The following PDE7B variants were observed in gnomAD, a reference collection of about 807,000 sequenced individuals.
PDE7B encodes 3',5'-cyclic-AMP phosphodiesterase 7B.
PDE7B carries 29 observed loss-of-function variants against 56.2 expected under a neutral mutation model. The observed-to-expected ratio is 0.52, with a 90% CI of 0.38 to 0.70. The LOEUF (loss-of-function observed/expected upper bound fraction) is 0.70. Among genes scored for constraint, PDE7B ranks in the 30% least tolerant of loss-of-function variants. PDE7B has a pLI of 0.00. For missense variants in PDE7B, 490 were observed against 565.0 expected (o/e 0.87, Z 1.35); for synonymous variants, 197 against 196.9 (o/e 1.00, Z 0.00).
intron 2 of PDE7B, among the ~76,000 whole-genome samples, chr6:135,948,205 A>C (rs1207183707): frequency 1.3e-5 from 2 of 152,038 alleles, no homozygotes; most frequent in Non-Finnish European, 2.9e-5. Flanking sequence ...GAAAGTTTCT[A>C]AACAGTAAAA....
Position 136,084,492 on chromosome 6 carries a change from A to T in PDE7B, c.83-24239A>T, listed in dbSNP as rs981472484. On this transcript the variant is annotated intron_variant, in intron 2 of 12. Coordinates refer to ENST00000308191, the MANE Select transcript of PDE7B (RefSeq NM_018945.4). ...AAATTTTACACAGCCCAGTAGCAGT[A>T]AAAATAGATCAACACTATTACCTCA... Among the ~76,000 whole-genome samples the T allele has an allele frequency of 6.6e-5, 10 of 152,344 alleles. No individual in the cohort carries two copies. In the East Asian group the frequency reaches 1.9e-3, roughly 29 times the overall value.
At chr6:135,978,763 T>A (rs140429681) in intron 2 of PDE7B, among the ~76,000 whole-genome samples, 4,640 of 152,270 alleles carry the variant, frequency 0.03, 212 homozygotes, top group African/African-American at 0.099. Context: ...CTTATCAGCT[T>A]AAGGAGATTT....
intron 3 of PDE7B, among the ~76,000 whole-genome samples, chr6:136,112,894 C>T (rs2128442478): frequency 6.6e-6 from 1 of 152,244 alleles, no homozygotes; most frequent in Non-Finnish European, 1.5e-5. Context: ...TCTTGGTTTG[C>T]CTGGCATAGT....
intron 3 of PDE7B, among the ~76,000 whole-genome samples, chr6:136,141,283 T>A (rs1478580081): frequency 6.6e-6 from 1 of 152,212 alleles, no homozygotes; most frequent in Non-Finnish European, 1.5e-5. Flanking sequence ...GATTTGCGTA[T>A]GTTGAACCAG....
intron 2 of PDE7B, among the ~76,000 whole-genome samples, chr6:136,040,912 G>A (rs958881737): frequency 6.6e-6 from 1 of 152,048 alleles, no homozygotes; most frequent in Non-Finnish European, 1.5e-5. Flanking sequence ...GCGGCCTCCC[G>A]TCTCCCCCAG....
intron 2 of PDE7B, among the ~76,000 whole-genome samples, chr6:135,981,264 T>C (rs1395234080): frequency 3.4e-5 from 4 of 117,736 alleles, no homozygotes; most frequent in Admixed American, 1.2e-4. Flanking sequence ...AAGGGGAACA[T>C]CACACTGTGG....
chr6:136,138,096 G>C (rs1370358145), intron 3 of PDE7B, among the ~76,000 whole-genome samples: 1 of 152,026 alleles, frequency 6.6e-6, no homozygotes. Context: ...TTGTAAAATT[G>C]TATAAGGGTC....
intron 2 of PDE7B, among the ~76,000 whole-genome samples, chr6:136,004,643 C>G (rs1183273795): frequency 6.6e-6 from 1 of 151,556 alleles, no homozygotes; most frequent in Non-Finnish European, 1.5e-5. Context: ...ATCCAACTTA[C>G]AAGGGATGTG....
intron 8 of PDE7B, among the ~76,000 whole-genome samples, chr6:136,157,830 G>A (rs916810025): frequency 1.3e-5 from 2 of 152,158 alleles, no homozygotes. Context: ...ATGTACTTTT[G>A]GGATTAAATT....
At chr6:136,179,347 A>G (rs531720609) in intron 10 of PDE7B, among the ~76,000 whole-genome samples, 1 of 152,266 alleles carries the variant, frequency 6.6e-6, no homozygotes, top group East Asian at 1.9e-4. Flanking sequence ...TCTCTAAAAA[A>G]ACACAAAACA....
intron 2 of PDE7B, chr6:136,043,988 C>G (rs916405324): frequency 6.6e-6 from 1 of 152,134 alleles, no homozygotes. Flanking sequence ...TCTGAGTACT[C>G]ATATTCCACC....
intron 1 of PDE7B, among the ~76,000 whole-genome samples, chr6:135,872,682 C>T (rs1258523355): frequency 6.6e-6 from 1 of 152,110 alleles, no homozygotes; most frequent in African/African-American, 2.4e-5. Context: ...TGAAGTGAGT[C>T]TGTTGGATAA....
chr6:136,163,836 A>T (rs1778749724), intron 8 of PDE7B, among the ~76,000 whole-genome samples: 1 of 152,192 alleles, frequency 6.6e-6, no homozygotes, highest in African/African-American at 2.4e-5. Context: ...TCCAGTTCCC[A>T]ACAAGTTCTT....
chr6:135,855,546 G>T (rs1775011001), intron 1 of PDE7B, among the ~76,000 whole-genome samples: 1 of 152,128 alleles, frequency 6.6e-6, no homozygotes, highest in Non-Finnish European at 1.5e-5. Flanking sequence ...TTAATTAAGT[G>T]CATTGTTATT....
chr6:136,001,648 GA>G (rs1308971658), intron 2 of PDE7B, among the ~76,000 whole-genome samples: 2 of 152,092 alleles, frequency 1.3e-5, no homozygotes, highest in African/African-American at 4.8e-5. Context: ...GAAGTTTAGA[GA>G]AAAAAGAATA....
At chr6:136,109,001 C>T (rs576600437) in intron 3 of PDE7B, among the ~76,000 whole-genome samples, 187 bp downstream of exon 3, 97 of 152,276 alleles carry the variant, frequency 6.4e-4, no homozygotes, top group Non-Finnish European at 1.2e-3. Flanking sequence ...TCTGGCCCTG[C>T]ACTGCCTCTC....
chr6:135,934,903 A>ATT (rs1774378313), intron 1 of PDE7B, among the ~76,000 whole-genome samples: 1 of 108,558 alleles, frequency 9.2e-6, no homozygotes, highest in African/African-American at 3.9e-5. Context: ...ATATTTAAAT[A>ATT]TATATAAATA....
chr6:135,964,679 C>T (rs1422782438), intron 2 of PDE7B, among the ~76,000 whole-genome samples: 1 of 151,988 alleles, frequency 6.6e-6, no homozygotes, highest in African/African-American at 2.4e-5. Context: ...TGGATTTGTC[C>T]AGTAAAAGTA....
intron 8 of PDE7B, chr6:136,156,203 T>TGTGTGTGTGTG (rs1778602789): frequency 7.5e-6 from 1 of 132,770 alleles, no homozygotes; most frequent in Non-Finnish European, 1.4e-5. Flanking sequence ...GTGTGTGTGT[T>TGTGTGTGTGTG]TTCAGAAACA....
Sources: allele counts gnomAD v4.1 joint callset (sites outside exome capture counted in the v4.1 genomes callset), GRCh38; gene constraint gnomAD v4.1.1; transcripts MANE v1.5; gene names NCBI Gene and HGNC (gene_info 2026-07-23, HGNC 2026-07-21).